SPON1: variants seen among roughly 807,000 people sequenced by gnomAD.
SPON1 encodes spondin-1.
SPON1 carries 52 observed loss-of-function variants against 111.7 expected under a neutral mutation model. That is an observed-to-expected ratio of 0.47 (90% CI 0.37 to 0.59). The LOEUF is 0.59. Among genes scored for constraint, SPON1 ranks in the 20% least tolerant of loss-of-function variants. The pLI, the probability that SPON1 is intolerant of heterozygous loss-of-function variation, is 0.00. For missense variants in SPON1, 957 were observed against 1,068.5 expected (o/e 0.90, Z 1.46); for synonymous variants, 410 against 395.8 (o/e 1.04, Z -0.43).
At chr11:14,006,109 G>A (rs1848358541) in intron 2 of SPON1, among the ~76,000 whole-genome samples, 1 of 152,168 alleles carries the variant, frequency 6.6e-6, no homozygotes, top group Non-Finnish European at 1.5e-5. Flanking sequence ...TCTCGGCAGA[G>A]CATGAATAAT....
rs375192207 is a variant in SPON1 at position 14,081,368 on chromosome 11, T to C, written c.676+1347T>C. On this transcript the variant is annotated intron_variant, in intron 5 of 15. Transcript: ENST00000576479. The stretch of plus-strand genomic sequence containing the variant: ...TAGTCATGCAGAAAGAGGTGAAGAC[T>C]ATAAGAAAAGTGGACTTACTGTGAA... Among the ~76,000 whole-genome samples, 23 of 152,310 alleles carry C rather than the reference T, an allele frequency of 1.5e-4. No homozygotes were observed. The East Asian group carries it at 4.4e-3, about 29-fold the overall frequency.
intron 3 of SPON1, among the ~76,000 whole-genome samples, chr11:14,047,001 A>G (rs1848673182): frequency 6.6e-6 from 1 of 152,030 alleles, no homozygotes; most frequent in Non-Finnish European, 1.5e-5. Context: ...CTAATCATTG[A>G]TCCCTTGTGT....
At chr11:14,007,531 A>G (rs1264928387) in intron 2 of SPON1, among the ~76,000 whole-genome samples, 5 of 152,096 alleles carry the variant, frequency 3.3e-5, no homozygotes, top group Admixed American at 1.3e-4. Flanking sequence ...AGCTGATTAG[A>G]TGGTGCCCAC....
chr11:14,178,194 G>T (rs189172768), intron 6 of SPON1, among the ~76,000 whole-genome samples: 2,431 of 152,026 alleles, frequency 0.016, 26 homozygotes, highest in Non-Finnish European at 0.027. Context: ...AGGCTGAGGC[G>T]GGTGGATCAC....
At chr11:13,996,554 C>T (rs887762694) in intron 2 of SPON1, among the ~76,000 whole-genome samples, 1 of 152,174 alleles carries the variant, frequency 6.6e-6, no homozygotes, top group African/African-American at 2.4e-5. Flanking sequence ...CAACAGAGCA[C>T]ACTTGTGTTT....
At chr11:14,075,279 G>A in intron 3 of SPON1, 66 bp from the exon 4 acceptor site, 5 of 1,251,792 alleles carry the variant, frequency 4.0e-6, no homozygotes, top group South Asian at 2.6e-5. Context: ...GACTATGTCT[G>A]ACTGATCTCC....
chr11:14,131,167 C>T (rs1847524334), intron 5 of SPON1, among the ~76,000 whole-genome samples: 1 of 152,162 alleles, frequency 6.6e-6, no homozygotes. Flanking sequence ...AGAGTCCATC[C>T]AATCGTCTCT....
chr11:13,969,384 C>A (rs1554908370), intron 1 of SPON1, among the ~76,000 whole-genome samples: 1 of 151,990 alleles, frequency 6.6e-6, no homozygotes, highest in Non-Finnish European at 1.5e-5. Flanking sequence ...GACCCTGTCT[C>A]AAAAGAAGGG....
At chr11:14,123,343 A>G (rs1391342283) in intron 5 of SPON1, among the ~76,000 whole-genome samples, 4 of 152,060 alleles carry the variant, frequency 2.6e-5, no homozygotes, top group Admixed American at 2.6e-4. Context: ...TTACTGATGG[A>G]TCTGCTTCAT....
At chr11:14,220,300 C>T (rs1848668129) in intron 6 of SPON1, among the ~76,000 whole-genome samples, 1 of 152,100 alleles carries the variant, frequency 6.6e-6, no homozygotes, top group South Asian at 2.1e-4. Context: ...AATAGGACCA[C>T]ACTCCGGACA....
chr11:14,130,007 CAT>C (rs1218333926), intron 5 of SPON1, among the ~76,000 whole-genome samples: 4 of 152,192 alleles, frequency 2.6e-5, no homozygotes, highest in African/African-American at 7.2e-5. Flanking sequence ...TCTCCTGTGA[CAT>C]GTGGGAATTA....
chr11:14,075,223 C>CA, intron 3 of SPON1, 122 bp from the exon 4 acceptor site: 2 of 682,886 alleles, frequency 2.9e-6, no homozygotes, highest in Non-Finnish European at 2.6e-6. Flanking sequence ...CTCATGAAGA[C>CA]AGAGAGAGTT....
intron 6 of SPON1, among the ~76,000 whole-genome samples, chr11:14,219,475 A>G (rs1049216027): frequency 1.3e-5 from 2 of 152,208 alleles, no homozygotes; most frequent in Admixed American, 1.3e-4. Flanking sequence ...TATGAGTTAA[A>G]CCACATACAG....
intron 6 of SPON1, among the ~76,000 whole-genome samples, chr11:14,196,148 C>T (rs1290771259): frequency 1.3e-5 from 2 of 152,042 alleles, no homozygotes; most frequent in African/African-American, 2.4e-5. Context: ...GAAGGATAGG[C>T]GATGTGTCCT....
At chr11:14,127,636 T>C (rs1564910955) in intron 5 of SPON1, among the ~76,000 whole-genome samples, 1 of 152,224 alleles carries the variant, frequency 6.6e-6, no homozygotes, top group South Asian at 2.1e-4. Flanking sequence ...GTTAACTGAA[T>C]GAGAATAGCA....
intron 2 of SPON1, among the ~76,000 whole-genome samples, chr11:13,998,547 T>C (rs181353362): frequency 4.7e-4 from 72 of 152,318 alleles, no homozygotes; most frequent in Non-Finnish European, 1.9e-4. Context: ...GGCACATCCC[T>C]TTGTTCTAGT....
intron 6 of SPON1, among the ~76,000 whole-genome samples, chr11:14,231,107 C>A (rs1554938670): frequency 3.3e-5 from 5 of 151,818 alleles, no homozygotes; most frequent in African/African-American, 1.2e-4. Flanking sequence ...GCCACTGTGC[C>A]CAGCCGCCAC....
chr11:14,016,775 G>A (rs980292805), intron 2 of SPON1, among the ~76,000 whole-genome samples: 3 of 152,164 alleles, frequency 2.0e-5, no homozygotes, highest in African/African-American at 4.8e-5. Context: ...GCTGGCTGTT[G>A]ACTCACACTA....
At chr11:14,106,691 C>T (rs782072304) in intron 5 of SPON1, among the ~76,000 whole-genome samples, 2 of 152,120 alleles carry the variant, frequency 1.3e-5, no homozygotes, top group Non-Finnish European at 2.9e-5. Flanking sequence ...TATAGGAAAT[C>T]GCAGCATAGG....
Sources: allele counts gnomAD v4.1 joint callset (sites outside exome capture counted in the v4.1 genomes callset), GRCh38; gene constraint gnomAD v4.1.1; transcripts MANE v1.5; gene names NCBI Gene and HGNC (gene_info 2026-07-23, HGNC 2026-07-21).